Variants in CSAD observed in about 807,000 individuals in gnomAD.
CSAD encodes P-selectin cytoplasmic tail-associated protein.
In CSAD, 47 loss-of-function variants were observed where a neutral mutation model predicts 61.5. That is an observed-to-expected ratio of 0.76 (90% CI 0.60 to 0.97). The LOEUF (loss-of-function observed/expected upper bound fraction) is 0.97. Among genes scored for constraint, CSAD ranks in the 50% least tolerant of loss-of-function variants. The pLI, the probability that CSAD is intolerant of heterozygous loss-of-function variation, is 0.00. For missense variants in CSAD, 611 were observed against 643.6 expected, an observed-to-expected ratio of 0.95 and a Z score of 0.55; for synonymous variants, 245 against 252.7, an observed-to-expected ratio of 0.97 and a Z score of 0.29.
chr12:53,162,341 G>A (rs1397224245), intron 10 of CSAD, among the ~76,000 whole-genome samples: 4 of 150,010 alleles, frequency 2.7e-5, no homozygotes, highest in East Asian at 2.0e-4. Flanking sequence ...AGGCCGACGC[G>A]GGTGGATCAC....
At chr12:53,181,259 G>A (rs976986067), upstream of CSAD, 1 of 985,316 alleles carries the variant, frequency 1.0e-6, no homozygotes, top group Non-Finnish European at 1.2e-6. Context: ...ACACGTGTGG[G>A]CACTGCCAGT....
At chr12:53,175,177 T>C (rs1277284731) in intron 2 of CSAD, among the ~76,000 whole-genome samples, 1 of 152,044 alleles carries the variant, frequency 6.6e-6, no homozygotes, top group Non-Finnish European at 1.5e-5. Context: ...GAGGTCACCA[T>C]GGAAAGGCAG....
upstream of CSAD, chr12:53,181,025 C>T: frequency 2.3e-6 from 2 of 863,226 alleles, no homozygotes; most frequent in Non-Finnish European, 2.9e-6. Flanking sequence ...GCCCGCGCGT[C>T]CCGCCGCGTC....
chr12:53,169,411 G>A (rs933926059), intron 10 of CSAD, among the ~76,000 whole-genome samples: 25 of 151,546 alleles, frequency 1.6e-4, no homozygotes, highest in Non-Finnish European at 3.4e-4. Flanking sequence ...CCTGAGAGGC[G>A]GAGGTTGCAG....
chr12:53,177,479 G>A (rs755703213), intron 2 of CSAD, among the ~76,000 whole-genome samples: 1 of 152,008 alleles, frequency 6.6e-6, no homozygotes, highest in African/African-American at 2.4e-5. Context: ...ATGGGCAAAG[G>A]ATATGAACAG....
At chr12:53,173,234 A>T in intron 4 of CSAD, 111 bp downstream of exon 4, 2 of 1,003,252 alleles carry the variant, frequency 2.0e-6, no homozygotes, top group Non-Finnish European at 2.9e-6. Flanking sequence ...GGAAAAAAGG[A>T]AGGAAGAAAG....
intron 2 of CSAD, chr12:53,178,297 A>T: frequency 2.2e-6 from 1 of 451,438 alleles, no homozygotes; most frequent in South Asian, 1.6e-5. Context: ...ACATGGCAAA[A>T]CCCTGTCTCT....
intron 10 of CSAD, among the ~76,000 whole-genome samples, chr12:53,164,909 A>T (rs76864627): frequency 0.028 from 4,235 of 152,334 alleles, 188 homozygotes; most frequent in African/African-American, 0.096. Context: ...AATAAAGATA[A>T]ATAAATTGCT....
At chr12:53,167,630 T>C (rs1285401271) in intron 10 of CSAD, among the ~76,000 whole-genome samples, 1 of 152,234 alleles carries the variant, frequency 6.6e-6, no homozygotes, top group African/African-American at 2.4e-5. Context: ...CATGACAAGA[T>C]GCTCAATATC....
At chr12:53,176,571 T>G (rs1004858978) in intron 2 of CSAD, among the ~76,000 whole-genome samples, 1 of 151,216 alleles carries the variant, frequency 6.6e-6, no homozygotes, top group Non-Finnish European at 1.5e-5. Context: ...TACAAAAAAT[T>G]AGCCCGGCAT....
intron 16 of CSAD, 91 bp from the exon 17 acceptor site, chr12:53,158,775 T>C: frequency 7.8e-7 from 1 of 1,278,618 alleles, no homozygotes; most frequent in Non-Finnish European, 1.1e-6. Context: ...CAGAGGTGCT[T>C]TTCCTTCCCA....
At chr12:53,170,701 C>A (rs1479679342) in intron 8 of CSAD, 199 bp from the exon 9 acceptor site, 1 of 589,852 alleles carries the variant, frequency 1.7e-6, no homozygotes, top group African/African-American at 1.9e-5. Flanking sequence ...TAGGGTGGGG[C>A]CCAAGATTCT....
Position 53,173,431 on chromosome 12 carries a change from G to A in CSAD, c.40C>T (p.Pro14Ser). The change falls in exon 4 of 17, where the codon CCA becomes TCA. Residue 14 changes from proline (P) to serine (S), a missense_variant. By Grantham distance (74) the Pro-to-Ser change is moderately conservative. Coordinates refer to ENST00000444623, the MANE Select transcript of CSAD (RefSeq NM_001244705.2). ...CGGAGCAAGGCTTCCACAGCCACTG[G>A]GTCCCCAGCAAGGGAGGGGAGTGCT... ...SEALPSLAGD[P>S]VAVEALLRAV... is the part of the protein sequence containing the mutation. 6.2e-7 allele frequency: 1 copy of A among 1,614,164 alleles called. No individual in the cohort carries two copies. Among genetic ancestry groups the A allele is most frequent in the Non-Finnish European group, 8.5e-7 (1 of 1,180,020 alleles).
intron 3 of CSAD, 54 bp from the exon 4 acceptor site, chr12:53,173,530 A>G: frequency 6.2e-6 from 10 of 1,613,002 alleles, no homozygotes; most frequent in Non-Finnish European, 8.5e-6. Flanking sequence ...TCCCGGACCT[A>G]CCCAGCAGGA....
At position 53,158,694 on chromosome 12, in the gene CSAD, G is replaced by A; in HGVS notation, c.1309-10C>T. 2 of 1,611,330 alleles carry A rather than the reference G, an allele frequency of 1.2e-6. No individual in the cohort carries two copies. The highest frequency in any genetic ancestry group is 8.5e-7 in the Non-Finnish European group (1 of 1,178,172). On this transcript the variant is annotated splice_polypyrimidine_tract_variant and intron_variant, in intron 16 of 16. Coordinates refer to ENST00000444623, the MANE Select transcript of CSAD (RefSeq NM_001244705.2). The stretch of plus-strand genomic sequence containing the variant: ...TGAGCACGGGGGCCACCTGTGGAAG[G>A]GTGGAGAGAGATTCCAGCTGCAGCC...
At chr12:53,167,454 C>T (rs1402318804) in intron 10 of CSAD, among the ~76,000 whole-genome samples, 1 of 152,182 alleles carries the variant, frequency 6.6e-6, no homozygotes, top group African/African-American at 2.4e-5. Flanking sequence ...ATTCTATGCT[C>T]AAAGAGCACA....
rs140874688 is a variant in CSAD at position 53,180,032 on chromosome 12, G to A, written c.-91+700C>T. 4.7e-3 allele frequency: 6,782 copies of A among 1,428,588 alleles called. 20 individuals are homozygous for A. Among genetic ancestry groups the A allele is most frequent in the Non-Finnish European group, 5.7e-3 (6,236 of 1,097,146 alleles). The allele number at this position is 1,428,588 out of a possible 1,614,324, so 88.5% of individuals were successfully genotyped here. A position where few individuals can be genotyped will look rare whatever the true frequency, so the allele number is the denominator to read the frequency against. On this transcript the variant is annotated intron_variant, in intron 1 of 16. Transcript: ENST00000444623. ...GACGGCCTGGAGTAAAGGGCGAAGG[G>A]GAGAAGGTAACCAACCAGGCTGGCC...
rs910813792 is a variant in CSAD, at chr12:53,180,911, G to A, written c.-270C>T. 2.7e-6 allele frequency: 3 copies of A among 1,125,692 alleles called. No individual in the cohort carries two copies. Among genetic ancestry groups the A allele is most frequent in the Admixed American group, 4.2e-5 (1 of 24,050 alleles). The allele number at this position is 1,125,692 out of a possible 1,614,324, so 69.7% of individuals were successfully genotyped here. A position where few individuals can be genotyped will look rare whatever the true frequency, so the allele number is the denominator to read the frequency against. ...GCTTCAGTAGCTCGCAAGCCGTGGG[G>A]TGCCGCGCGGGAAGGGGGAGGGGAG... On this transcript the variant is annotated 5_prime_UTR_variant, in exon 1 of 17. Transcript: ENST00000444623.
At chr12:53,175,523 C>T (rs1291008662) in intron 2 of CSAD, among the ~76,000 whole-genome samples, 1 of 152,216 alleles carries the variant, frequency 6.6e-6, no homozygotes. Context: ...TGTATACAAT[C>T]TTTTCTCTGC....
Sources: allele counts gnomAD v4.1 joint callset (sites outside exome capture counted in the v4.1 genomes callset), GRCh38; gene constraint gnomAD v4.1.1; transcripts MANE v1.5; gene names NCBI Gene and HGNC (gene_info 2026-07-23, HGNC 2026-07-21).